Variants in CEP162 observed in about 807,000 individuals in gnomAD.
CEP162 encodes centrosomal protein of 162 kDa.
In CEP162, 141 loss-of-function variants were observed where a neutral mutation model predicts 169.2. The observed-to-expected ratio is 0.83, with a 90% CI of 0.73 to 0.96. The LOEUF (loss-of-function observed/expected upper bound fraction) is 0.96. CEP162 is among the 40% of genes least tolerant of loss of function. CEP162 has a pLI of 0.00. For missense variants in CEP162, 1,600 were observed against 1,587.2 expected, an observed-to-expected ratio of 1.01 and a Z score of -0.14; for synonymous variants, 540 against 526.4, an observed-to-expected ratio of 1.03 and a Z score of -0.35.
intron 6 of CEP162, among the ~76,000 whole-genome samples, chr6:84,207,107 T>C (rs959006066): frequency 3.3e-5 from 5 of 152,218 alleles, no homozygotes; most frequent in African/African-American, 1.2e-4. Context: ...ACAGGAACGC[T>C]TTTACACTGT....
intron 2 of CEP162, among the ~76,000 whole-genome samples, chr6:84,222,658 C>T (rs2127758191): frequency 6.6e-6 from 1 of 152,292 alleles, no homozygotes; most frequent in Non-Finnish European, 1.5e-5. Context: ...ACATTTAAAC[C>T]CATGTCTGAC....
intron 13 of CEP162, among the ~76,000 whole-genome samples, chr6:84,177,357 T>G (rs2099532826): frequency 6.6e-6 from 1 of 152,192 alleles, no homozygotes. Flanking sequence ...GGGTTTGGTT[T>G]TCTTTCATTT....
chr6:84,131,368 G>A (rs1309249689), intron 25 of CEP162, among the ~76,000 whole-genome samples: 1 of 152,148 alleles, frequency 6.6e-6, no homozygotes, highest in Non-Finnish European at 1.5e-5. Context: ...AGGTCTGCTT[G>A]GTGCAGAGCT....
intron 2 of CEP162, among the ~76,000 whole-genome samples, chr6:84,224,741 C>T (rs2099555042): frequency 6.6e-6 from 1 of 150,634 alleles, no homozygotes; most frequent in African/African-American, 2.5e-5. Context: ...GGAAGAGAGA[C>T]ACAGACAGAA....
At position 84,216,900 on chromosome 6, in the gene CEP162, AT is replaced by A. The variant is rs552601928; in HGVS notation, c.173-979del. Among the ~76,000 whole-genome samples the A allele has an allele frequency of 3.4e-3, 524 of 152,260 alleles. 3 individuals are homozygous for A. Among genetic ancestry groups the A allele is most frequent in the African/African-American group, 0.012 (482 of 41,564 alleles). On this transcript the variant is annotated intron_variant, in intron 3 of 26. Transcript: ENST00000403245. ...ATGTGGTACTTATGTATATGTTTGA[AT>A]TTTTTTATAATAAAAAGTTTCAAAA... is the stretch of plus-strand genomic sequence containing the variant.
At chr6:84,172,305 G>A (rs2099530472) in intron 16 of CEP162, among the ~76,000 whole-genome samples, 1 of 152,196 alleles carries the variant, frequency 6.6e-6, no homozygotes, top group African/African-American at 2.4e-5. Flanking sequence ...CAAGGCTTGA[G>A]CTAAAGAGCT....
At chr6:84,139,907 G>T (rs758453266) in intron 25 of CEP162, among the ~76,000 whole-genome samples, 11 of 150,410 alleles carry the variant, frequency 7.3e-5, no homozygotes, top group Non-Finnish European at 1.2e-4. Flanking sequence ...GGTCATATAA[G>T]CCTGTTGTTC....
intron 18 of CEP162, among the ~76,000 whole-genome samples, chr6:84,163,762 T>C (rs547883287): frequency 6.6e-6 from 1 of 152,064 alleles, no homozygotes; most frequent in South Asian, 2.1e-4. Flanking sequence ...GGTCAGGAAT[T>C]CGAGACCAGT....
chr6:84,186,324 A>T lies in CEP162; in HGVS notation c.1401+8T>A. 1 of 1,343,360 alleles carries T rather than the reference A, an allele frequency of 7.4e-7. No individual in the cohort carries two copies. Among genetic ancestry groups the T allele is most frequent in the Non-Finnish European group, 1.1e-6 (1 of 938,318 alleles). 83.2% of individuals were successfully genotyped at this position (1,343,360 alleles called of 1,614,324 possible). A position where few individuals can be genotyped will look rare whatever the true frequency, so the allele number is the denominator to read the frequency against. On this transcript the variant is annotated splice_region_variant and intron_variant, in intron 12 of 26. Transcript: ENST00000403245. ...ATCTCTCAAATCAATTTGATGATAA[A>T]TACTTACTTTATTAATTTTGTCATC...
intron 25 of CEP162, among the ~76,000 whole-genome samples, chr6:84,146,327 G>A (rs1472480431): frequency 6.6e-6 from 1 of 151,880 alleles, no homozygotes; most frequent in Admixed American, 6.6e-5. Flanking sequence ...AACTCATGAG[G>A]GTTGAGGAAA....
chr6:84,168,889 G>T (rs1200396272), intron 18 of CEP162, among the ~76,000 whole-genome samples: 3 of 152,188 alleles, frequency 2.0e-5, no homozygotes, highest in Non-Finnish European at 4.4e-5. Flanking sequence ...CTCTCTAGAA[G>T]TGCAGTCTAC....
intron 25 of CEP162, among the ~76,000 whole-genome samples, chr6:84,139,436 T>C (rs2099515579): frequency 6.6e-6 from 1 of 152,260 alleles, no homozygotes; most frequent in Non-Finnish European, 1.5e-5. Context: ...TTAATAAATT[T>C]GTTTTTCTCT....
At chr6:84,212,679 T>A (rs962541680) in intron 6 of CEP162, among the ~76,000 whole-genome samples, 2 of 152,058 alleles carry the variant, frequency 1.3e-5, no homozygotes, top group Non-Finnish European at 2.9e-5. Flanking sequence ...ATAAATACAC[T>A]GCTGTAAAGG....
chr6:84,203,982 T>C lies in CEP162; in HGVS notation c.686A>G (p.Gln229Arg). The change falls in exon 7 of 27, where the codon CAG becomes CGG. Residue 229 changes from glutamine to arginine, a missense_variant and splice_region_variant. By Grantham distance (43) the Gln-to-Arg change is conservative (BLOSUM62 1). Transcript: ENST00000403245. ...SKSEKISVPK[Q>R]EEEKTGMLAN... ...CAAATATATAATTGATATATATACC[T>C]GTTTGGGCACACTTATTTTTTCTGA... The C allele has an allele frequency of 1.3e-6, 2 of 1,592,898 alleles. No homozygotes were observed. Among genetic ancestry groups the C allele is most frequent in the South Asian group, 1.1e-5 (1 of 88,606 alleles).
At chr6:84,201,006 C>T (rs145107860) in intron 8 of CEP162, 101 bp from the exon 9 acceptor site, 123 of 622,580 alleles carry the variant, frequency 2.0e-4, no homozygotes, top group African/African-American at 1.8e-3. Context: ...AGGCCGGGCG[C>T]GGTGGCTCAC....
At chr6:84,165,518 TTTA>T (rs1171479663) in intron 18 of CEP162, among the ~76,000 whole-genome samples, 3 of 152,092 alleles carry the variant, frequency 2.0e-5, no homozygotes, top group African/African-American at 7.2e-5. Context: ...TAGTATGGCA[TTTA>T]TTATTGTTTC....
Position 84,169,420 on chromosome 6 carries a change from T to G in CEP162, c.2293A>C (p.Lys765Gln). ...EVASLKEQMH[K>Q]SRFLSQVVED... ...ACTACTTGAGACAGAAAACGACTTT[T>G]GTGCATCTGTTCTCTAATTTATTTT... The change falls in exon 18 of 27, where the codon AAA becomes CAA. Residue 765 changes from lysine to glutamine, a missense_variant. Transcript: ENST00000403245. 6.4e-7 allele frequency: 1 copy of G among 1,566,256 alleles called. No individual in the cohort carries two copies. The highest frequency in any genetic ancestry group is 8.7e-7 in the Non-Finnish European group (1 of 1,153,798).
chr6:84,156,061 C>A (rs1333746172), intron 21 of CEP162, among the ~76,000 whole-genome samples: 1 of 151,622 alleles, frequency 6.6e-6, no homozygotes, highest in African/African-American at 2.4e-5. Context: ...ATAGAGAACC[C>A]AAAAATTAAG....
At chr6:84,179,309 C>T (rs2099533737) in intron 13 of CEP162, among the ~76,000 whole-genome samples, 1 of 152,200 alleles carries the variant, frequency 6.6e-6, no homozygotes, top group Admixed American at 6.5e-5. Context: ...TCTCCACATC[C>T]TCTCCAGCAC....
Sources: allele counts gnomAD v4.1 joint callset (sites outside exome capture counted in the v4.1 genomes callset), GRCh38; gene constraint gnomAD v4.1.1; transcripts MANE v1.5; gene names NCBI Gene and HGNC (gene_info 2026-07-23, HGNC 2026-07-21).